The following ATOSA variants were observed in gnomAD, a reference collection of about 807,000 sequenced individuals.
ATOSA encodes atos homolog A.
At chr15:52,661,255 A>T in the ATOSA span, among the ~76,000 whole-genome samples, 1 of 152,198 alleles carries the variant, frequency 6.6e-6, no homozygotes, top group African/African-American at 2.4e-5. Context: ...TCTATGTATT[A>T]CTTTGAGAAC....
chr15:52,652,342 G>T, the ATOSA span, among the ~76,000 whole-genome samples: 1 of 152,204 alleles, frequency 6.6e-6, no homozygotes, highest in East Asian at 1.9e-4. Flanking sequence ...TTCAGTTAGT[G>T]ATGCACATAA....
chr15:52,604,245 C>A, the ATOSA span, among the ~76,000 whole-genome samples: 5 of 152,168 alleles, frequency 3.3e-5, no homozygotes, highest in African/African-American at 1.2e-4. Context: ...CACGGTGAAA[C>A]CCCGTCTCTA....
At chr15:52,611,833 T>G in the ATOSA span, 13 of 1,521,760 alleles carry the variant, frequency 8.5e-6, no homozygotes, top group South Asian at 1.5e-4. Context: ...ATTTTGTGTT[T>G]AAAATAGAAA....
the ATOSA span, among the ~76,000 whole-genome samples, chr15:52,624,883 T>C: frequency 1.3e-5 from 2 of 151,922 alleles, no homozygotes; most frequent in East Asian, 1.9e-4. Flanking sequence ...GTTCAAGTGA[T>C]TTTCCTGCCT....
the ATOSA span, among the ~76,000 whole-genome samples, chr15:52,666,908 G>A: frequency 2.7e-4 from 41 of 151,970 alleles, 1 homozygote; most frequent in African/African-American, 8.9e-4. Context: ...TGTACTCTTT[G>A]AAGGATGGTC....
the ATOSA span, chr15:52,652,005 T>C: frequency 1.3e-6 from 2 of 1,526,110 alleles, no homozygotes; most frequent in South Asian, 1.2e-5. Flanking sequence ...AAAACAAATG[T>C]TCAGCGTTGG....
At chr15:52,684,529 C>G in the ATOSA span, among the ~76,000 whole-genome samples, 3 of 152,160 alleles carry the variant, frequency 2.0e-5, no homozygotes, top group South Asian at 4.1e-4. Context: ...ACTGCAAGAT[C>G]CTGTTACTAA....
chr15:52,595,548 A>G, the ATOSA span, among the ~76,000 whole-genome samples: 14 of 151,982 alleles, frequency 9.2e-5, no homozygotes, highest in African/African-American at 2.4e-4. Context: ...TGACAAGAAA[A>G]AAAAAAAAGG....
the ATOSA span, among the ~76,000 whole-genome samples, chr15:52,596,796 A>C: frequency 2.1e-3 from 315 of 152,358 alleles, 3 homozygotes; most frequent in African/African-American, 7.4e-3. Context: ...TAGATTCAAC[A>C]TCAAAAGTAA....
At chr15:52,582,348 G>A in the ATOSA span, 3 of 1,477,472 alleles carry the variant, frequency 2.0e-6, no homozygotes, top group Non-Finnish European at 2.7e-6. Flanking sequence ...CAGAGAACGA[G>A]TCTTTAAAAG....
chr15:52,611,146 G>A, the ATOSA span: 2 of 1,612,930 alleles, frequency 1.2e-6, no homozygotes, highest in Non-Finnish European at 1.7e-6. Context: ...AGAATATTTC[G>A]TGGAATAGCA....
chr15:52,695,027 C>A, the ATOSA span, among the ~76,000 whole-genome samples: 1 of 151,412 alleles, frequency 6.6e-6, no homozygotes, highest in Non-Finnish European at 1.5e-5. Context: ...TGGGTTCAGG[C>A]AATTATCATG....
At chr15:52,634,540 ATTT>A in the ATOSA span, among the ~76,000 whole-genome samples, 1 of 147,638 alleles carries the variant, frequency 6.8e-6, no homozygotes, top group Non-Finnish European at 1.5e-5. Flanking sequence ...GTGAGATTAG[ATTT>A]TTTTTTTTTA....
chr15:52,623,985 T>C, the ATOSA span, among the ~76,000 whole-genome samples: 1 of 152,190 alleles, frequency 6.6e-6, no homozygotes. Flanking sequence ...TGGTAGGAGA[T>C]TCTCCTGTAT....
the ATOSA span, chr15:52,658,564 A>G: frequency 3.1e-6 from 1 of 327,314 alleles, no homozygotes; most frequent in Non-Finnish European, 5.5e-6. Context: ...GCTCGCACTT[A>G]ATGGGAATAA....
chr15:52,655,871 T>A, the ATOSA span, among the ~76,000 whole-genome samples: 3 of 152,134 alleles, frequency 2.0e-5, no homozygotes, highest in Admixed American at 2.0e-4. Context: ...TGTCTGAATC[T>A]ATTTCTTTAT....
At chr15:52,641,205 G>T in the ATOSA span, among the ~76,000 whole-genome samples, 2 of 152,176 alleles carry the variant, frequency 1.3e-5, no homozygotes, top group Non-Finnish European at 2.9e-5. Context: ...CCATCAAAAT[G>T]TATGTTTAAT....
chr15:52,693,557 A>G, the ATOSA span, among the ~76,000 whole-genome samples: 1 of 152,212 alleles, frequency 6.6e-6, no homozygotes, highest in African/African-American at 2.4e-5. Flanking sequence ...TAAGGGATAG[A>G]GGTCCATTCA....
the ATOSA span, among the ~76,000 whole-genome samples, chr15:52,643,011 T>C: frequency 6.6e-6 from 1 of 152,068 alleles, no homozygotes; most frequent in Non-Finnish European, 1.5e-5. Context: ...CTCCCTTTTA[T>C]GCTCCCATCA....
Sources: gnomAD v4.1 joint callset for allele counts (sites outside exome capture counted in the v4.1 genomes callset) on GRCh38, gnomAD v4.1.1 for gene constraint, MANE v1.5 for transcripts, NCBI Gene and HGNC (gene_info 2026-07-23, HGNC 2026-07-21) for gene names.